SCN8A: variants seen among roughly 807,000 people sequenced by gnomAD.
SCN8A encodes the protein sodium channel protein type 8 subunit alpha.
SCN8A carries 30 observed loss-of-function variants against 184.1 expected under a neutral mutation model. That is an observed-to-expected ratio of 0.16 (90% confidence interval 0.12 to 0.22). SCN8A has a LOEUF of 0.22. SCN8A is among the 10% of genes least tolerant of loss of function. The probability of loss-of-function intolerance (pLI) is 1.00; values close to 1 mark genes in which losing one functional copy is unlikely to be tolerated. For synonymous variants in SCN8A, 852 were observed against 907.0 expected (o/e 0.94, Z 1.09); for missense variants, 1,057 against 2,498.9 (o/e 0.42, Z 12.30).
At chr12:51,741,742 C>T (rs1315378744) in intron 12 of SCN8A, among the ~76,000 whole-genome samples, 1 of 152,128 alleles carries the variant, frequency 6.6e-6, no homozygotes, top group East Asian at 1.9e-4. Context: ...CAGAGTTTCA[C>T]TCTTGTTGCC....
intron 8 of SCN8A, among the ~76,000 whole-genome samples, chr12:51,702,146 A>G (rs1941700741): frequency 6.6e-6 from 1 of 151,734 alleles, no homozygotes; most frequent in Non-Finnish European, 1.5e-5. Flanking sequence ...ACACAGTGAA[A>G]CCCCGTCTCT....
chr12:51,717,480 A>T (rs540327735), intron 11 of SCN8A, among the ~76,000 whole-genome samples: 1 of 152,312 alleles, frequency 6.6e-6, no homozygotes, highest in South Asian at 2.1e-4. Context: ...TACTTGTCTC[A>T]TTGCAGACCA....
intron 1 of SCN8A, among the ~76,000 whole-genome samples, chr12:51,634,087 AGTCAAACAATGAAC>A (rs1158111344): frequency 6.6e-6 from 1 of 152,242 alleles, no homozygotes; most frequent in Non-Finnish European, 1.5e-5. Flanking sequence ...ATTATCTTAG[AGTCAAACAATGAAC>A]TACTGCTATG....
At chr12:51,675,049 C>A (rs985946926) in intron 2 of SCN8A, among the ~76,000 whole-genome samples, 2 of 152,154 alleles carry the variant, frequency 1.3e-5, no homozygotes, top group African/African-American at 4.8e-5. Flanking sequence ...GGTTAATATG[C>A]TTTACATAAT....
At chr12:51,616,337 G>A (rs1939835689) in intron 1 of SCN8A, among the ~76,000 whole-genome samples, 2 of 152,110 alleles carry the variant, frequency 1.3e-5, no homozygotes, top group African/African-American at 2.4e-5. Flanking sequence ...GCACTTAAAA[G>A]TGTTTCACTG....
chr12:51,737,065 A>T (rs886657868), intron 12 of SCN8A, among the ~76,000 whole-genome samples: 10 of 152,378 alleles, frequency 6.6e-5, no homozygotes, highest in African/African-American at 2.4e-4. Context: ...GATTATCGAG[A>T]ATACTCACAA....
chr12:51,688,070 C>T (rs534056767), intron 5 of SCN8A, among the ~76,000 whole-genome samples: 1 of 152,302 alleles, frequency 6.6e-6, no homozygotes, highest in East Asian at 1.9e-4. Flanking sequence ...AACTGACTTT[C>T]TGTTATATAA....
chr12:51,696,828 C>T (rs1329377865), intron 6 of SCN8A, among the ~76,000 whole-genome samples: 3 of 151,488 alleles, frequency 2.0e-5, no homozygotes, highest in Non-Finnish European at 2.9e-5. Context: ...GTCAGGGGTT[C>T]GAGACCAGCC....
At chr12:51,719,841 C>A (rs1458184605) in intron 11 of SCN8A, among the ~76,000 whole-genome samples, 1 of 152,096 alleles carries the variant, frequency 6.6e-6, no homozygotes, top group Non-Finnish European at 1.5e-5. Flanking sequence ...CTTTGGGAGG[C>A]CGAGGCGGGC....
intron 12 of SCN8A, among the ~76,000 whole-genome samples, chr12:51,732,933 A>G (rs1286944240): frequency 6.6e-6 from 1 of 152,112 alleles, no homozygotes; most frequent in East Asian, 1.9e-4. Flanking sequence ...TACTGAATTT[A>G]TCAGTTCTAA....
intron 15 of SCN8A, 47 bp from the exon 16 acceptor site, chr12:51,765,624 T>A: frequency 8.8e-7 from 1 of 1,136,502 alleles, no homozygotes; most frequent in Non-Finnish European, 1.2e-6. Flanking sequence ...GTGAGAAAAT[T>A]GATTGAGTAT....
intron 1 of SCN8A, among the ~76,000 whole-genome samples, chr12:51,608,021 CTT>C (rs749172465): frequency 9.7e-5 from 13 of 133,412 alleles, no homozygotes; most frequent in East Asian, 6.4e-4. Context: ...TTTCTTTTTC[CTT>C]TTTTTTTTTT....
Position 51,772,892 on chromosome 12 carries a change from G to A in SCN8A, c.3646-1297G>A, listed in dbSNP as rs1171754655. ...AGCACTTTGGGAGGCTGAGGCGGGC[G>A]AATCACGAGGTCAGGAGATTGAGAC... On this transcript the variant is annotated intron_variant, in intron 19 of 26. Coordinates refer to ENST00000627620, the MANE Select transcript of SCN8A (RefSeq NM_001330260.2). Among the ~76,000 whole-genome samples, 9 of 152,050 alleles carry A rather than the reference G, an allele frequency of 5.9e-5. No homozygotes were observed. In the East Asian group the frequency reaches 1.4e-3, roughly 23 times the overall value.
At chr12:51,783,618 A>G (rs1937992707) in intron 21 of SCN8A, among the ~76,000 whole-genome samples, 1 of 152,186 alleles carries the variant, frequency 6.6e-6, no homozygotes, top group African/African-American at 2.4e-5. Context: ...CTCCATAGTA[A>G]TCTTCATTTA....
chr12:51,604,492 TG>T (rs1319802811), intron 1 of SCN8A, among the ~76,000 whole-genome samples: 19 of 152,124 alleles, frequency 1.2e-4, no homozygotes, highest in African/African-American at 3.1e-4. Flanking sequence ...TTTGTTTGTT[TG>T]TTTGTTTTTT....
chr12:51,688,134 T>A (rs1941449959), intron 5 of SCN8A, among the ~76,000 whole-genome samples: 1 of 152,238 alleles, frequency 6.6e-6, no homozygotes, highest in Non-Finnish European at 1.5e-5. Context: ...TCATTTAAAA[T>A]TTTTAAGTGT....
chr12:51,785,651 GT>G (rs1399500739), intron 21 of SCN8A, among the ~76,000 whole-genome samples: 24 of 152,032 alleles, frequency 1.6e-4, no homozygotes, highest in African/African-American at 5.6e-4. Context: ...TTCCTAAGGG[GT>G]TTTTTTCTTT....
intron 5 of SCN8A, chr12:51,688,732 A>G (rs1278509456): frequency 3.3e-6 from 5 of 1,533,806 alleles, no homozygotes; most frequent in Non-Finnish European, 4.5e-6. Flanking sequence ...GTACCATTAC[A>G]AGTTAACTTT....
Position 51,688,336 on chromosome 12 carries a change from A to G in SCN8A, c.615-669A>G, listed in dbSNP as rs77553964. 9.3e-4 allele frequency among the ~76,000 whole-genome samples: 141 copies of G among 152,346 alleles called. 1 individual carries two copies. In the East Asian group the frequency reaches 0.025, roughly 27 times the overall value. On this transcript the variant is annotated intron_variant, in intron 5 of 26. Coordinates refer to ENST00000627620, the MANE Select transcript of SCN8A (RefSeq NM_001330260.2). ...ATACAGACATTTAGTCAATTTTGCCATTGTCAACTAGGGAGTTACTTTAAT... is the reference window on the plus strand; with the variant it reads ...ATACAGACATTTAGTCAATTTTGCCGTTGTCAACTAGGGAGTTACTTTAAT...
Sources: gnomAD v4.1 joint callset for allele counts (sites outside exome capture counted in the v4.1 genomes callset) on GRCh38, gnomAD v4.1.1 for gene constraint, MANE v1.5 for transcripts, NCBI Gene and HGNC (gene_info 2026-07-23, HGNC 2026-07-21) for gene names.